ANK3: variants seen among roughly 807,000 people sequenced by gnomAD.
The protein encoded by ANK3 is ankyrin-3.
A neutral mutation model predicts 370.9 loss-of-function variants in ANK3; 57 were observed. The observed-to-expected ratio is 0.15, with a 90% CI of 0.12 to 0.19. ANK3 has a LOEUF of 0.19. Ranked by LOEUF, ANK3 falls within the 10% of genes least tolerant of loss-of-function variation. The probability of loss-of-function intolerance (pLI) is 1.00; values close to 1 mark genes in which losing one functional copy is unlikely to be tolerated. For missense variants in ANK3, 4,439 were observed against 5,302.1 expected (o/e 0.84, Z 5.06); for synonymous variants, 1,929 against 1,946.3 (o/e 0.99, Z 0.23).
chr10:60,135,175 C>T (rs1353196835), intron 24 of ANK3, among the ~76,000 whole-genome samples: 2 of 152,160 alleles, frequency 1.3e-5, no homozygotes, highest in African/African-American at 2.4e-5. Context: ...CGTGACCTTG[C>T]ATATATTCAC....
chr10:60,232,976 G>C (rs1205251666), intron 8 of ANK3, among the ~76,000 whole-genome samples: 1 of 152,210 alleles, frequency 6.6e-6, no homozygotes, highest in Non-Finnish European at 1.5e-5. Flanking sequence ...GGAAGCACAG[G>C]ATTGCAGGAG....
intron 1 of ANK3, among the ~76,000 whole-genome samples, chr10:60,326,095 G>T (rs10994302): frequency 0.34 from 50,922 of 151,736 alleles, 8,681 homozygotes; most frequent in South Asian, 0.46. Flanking sequence ...CATAGGCACA[G>T]AGAGGGGAAC....
At chr10:60,726,609 T>C (rs1202530297) in intron 1 of ANK3, among the ~76,000 whole-genome samples, 3 of 152,164 alleles carry the variant, frequency 2.0e-5, no homozygotes, top group Non-Finnish European at 4.4e-5. Context: ...GACTAAAACA[T>C]AGCTCTTCCT....
In ANK3 at chr10:60,149,672, A is replaced by C. The variant is rs2095001318; in HGVS notation, c.2615-10585T>G. Among the ~76,000 whole-genome samples the C allele has an allele frequency of 2.0e-5, 3 of 152,282 alleles. No homozygotes were observed. In the South Asian group the frequency reaches 6.2e-4, roughly 32 times the overall value. On this transcript the variant is annotated intron_variant, in intron 23 of 43. Transcript: ENST00000280772. ...TCCAGGATATTCCATATGGCATGGCAGCTGCTGAGGTCACCAAGGATTCCC... is the reference window on the plus strand; with the variant it reads ...TCCAGGATATTCCATATGGCATGGCCGCTGCTGAGGTCACCAAGGATTCCC...
intron 1 of ANK3, among the ~76,000 whole-genome samples, chr10:60,687,058 C>T (rs1469029754): frequency 2.0e-5 from 3 of 152,156 alleles, no homozygotes; most frequent in Non-Finnish European, 2.9e-5. Context: ...AGCTTATAGC[C>T]TAGGAGCTAT....
chr10:60,300,279 T>C (rs779661194), intron 1 of ANK3: 4 of 1,173,158 alleles, frequency 3.4e-6, no homozygotes, highest in African/African-American at 1.6e-5. Context: ...AGAACTTCTA[T>C]AAGGAAAGTA....
chr10:60,132,507 C>T (rs1215481572), intron 25 of ANK3, among the ~76,000 whole-genome samples: 3 of 152,148 alleles, frequency 2.0e-5, no homozygotes, highest in Non-Finnish European at 4.4e-5. Context: ...TGTGAGGCCT[C>T]CCCAGCCATG....
chr10:60,455,433 CAACTT>C (rs2064721510), intron 2 of ANK3, among the ~76,000 whole-genome samples: 1 of 152,108 alleles, frequency 6.6e-6, no homozygotes, highest in Non-Finnish European at 1.5e-5. Flanking sequence ...ATGCACAAAA[CAACTT>C]AAGCAGCAAC....
intron 1 of ANK3, among the ~76,000 whole-genome samples, chr10:60,626,804 G>T (rs1423407328): frequency 6.6e-6 from 1 of 152,276 alleles, no homozygotes; most frequent in East Asian, 1.9e-4. Context: ...GGTCCAAAGG[G>T]CCTAGGGCTA....
intron 1 of ANK3, among the ~76,000 whole-genome samples, chr10:60,655,214 A>G (rs2078847122): frequency 6.6e-6 from 1 of 151,910 alleles, no homozygotes; most frequent in Non-Finnish European, 1.5e-5. Context: ...TTAAAAAAAA[A>G]AAAGAAAAAA....
In ANK3 at chr10:60,308,019, T is replaced by G. The variant is rs1345611368; in HGVS notation, c.115-28380A>C. Reference sequence around the variant, plus strand: ...TGTGCCCTTTTTCTTGTTTTCTCCCTTCTTTCAAACTAAGGCCATGACACA... The same window carrying G: ...TGTGCCCTTTTTCTTGTTTTCTCCCGTCTTTCAAACTAAGGCCATGACACA... On this transcript the variant is annotated intron_variant, in intron 1 of 43. Coordinates refer to ENST00000280772, the MANE Select transcript of ANK3 (RefSeq NM_020987.5). Among the ~76,000 whole-genome samples the G allele has an allele frequency of 3.9e-5, 6 of 152,210 alleles. No homozygotes were observed. The East Asian group carries it at 1.2e-3, about 29-fold the overall frequency.
intron 2 of ANK3, among the ~76,000 whole-genome samples, chr10:60,533,086 G>A (rs1327753288): frequency 1.3e-5 from 2 of 152,156 alleles, no homozygotes; most frequent in Admixed American, 6.6e-5. Context: ...GACTCTAAAG[G>A]TTTGAGAAGT....
chr10:60,676,114 A>G (rs1055910706), intron 1 of ANK3, among the ~76,000 whole-genome samples: 1 of 152,002 alleles, frequency 6.6e-6, no homozygotes, highest in Non-Finnish European at 1.5e-5. Flanking sequence ...TAATTTTAAG[A>G]TAGAACACCA....
At chr10:60,622,181 A>G (rs1358496284) in intron 1 of ANK3, among the ~76,000 whole-genome samples, 7 of 152,180 alleles carry the variant, frequency 4.6e-5, no homozygotes, top group Non-Finnish European at 1.5e-5. Flanking sequence ...TTGGAAAGCC[A>G]GAAAGTTGGT....
intron 1 of ANK3, among the ~76,000 whole-genome samples, chr10:60,718,017 A>T (rs568977023): frequency 6.6e-6 from 1 of 152,256 alleles, no homozygotes; most frequent in Non-Finnish European, 1.5e-5. Flanking sequence ...TGCCTTACTT[A>T]GGCAGGATGC....
At chr10:60,575,761 C>T (rs1448162897) in intron 2 of ANK3, among the ~76,000 whole-genome samples, 1 of 152,118 alleles carries the variant, frequency 6.6e-6, no homozygotes, top group Admixed American at 6.5e-5. Flanking sequence ...AAAAACATAT[C>T]TTCACTTTAT....
intron 1 of ANK3, among the ~76,000 whole-genome samples, chr10:60,357,218 A>C (rs2057900007): frequency 1.3e-5 from 2 of 151,982 alleles, no homozygotes; most frequent in Admixed American, 6.6e-5. Context: ...TCTTTCTCCA[A>C]TCCACTTCAG....
intron 1 of ANK3, among the ~76,000 whole-genome samples, chr10:60,696,783 C>T (rs2079460813): frequency 6.9e-6 from 1 of 144,756 alleles, no homozygotes; most frequent in Admixed American, 6.8e-5. Context: ...ATGACAAACC[C>T]ACAGCCAATA....
At chr10:60,490,830 G>T (rs1304570856) in intron 2 of ANK3, among the ~76,000 whole-genome samples, 1 of 152,124 alleles carries the variant, frequency 6.6e-6, no homozygotes, top group Non-Finnish European at 1.5e-5. Flanking sequence ...AAGTGTTCAG[G>T]TTAGTCAGTT....
Sources: allele counts gnomAD v4.1 joint callset (sites outside exome capture counted in the v4.1 genomes callset), GRCh38; gene constraint gnomAD v4.1.1; transcripts MANE v1.5; gene names NCBI Gene and HGNC (gene_info 2026-07-23, HGNC 2026-07-21).